Variants in KRTAP19-1 observed in about 807,000 individuals in gnomAD.
KRTAP19-1 encodes keratin associated protein 19-1, also known as keratin-associated protein 19-1.
For synonymous variants in KRTAP19-1, 45 were observed against 48.3 expected, an observed-to-expected ratio of 0.93 and a Z score of 0.28; for missense variants, 116 against 113.6, an observed-to-expected ratio of 1.02 and a Z score of -0.10.
In KRTAP19-1 at chr21:30,480,338, G is replaced by T; in HGVS notation, c.-21C>A. ...CTCATGGTGTCAGGAGTGGTGAGTTGGTTTGTTGTTCAGGCAAGATCCTGA... is the reference window on the plus strand; with the variant it reads ...CTCATGGTGTCAGGAGTGGTGAGTTTGTTTGTTGTTCAGGCAAGATCCTGA... On this transcript the variant is annotated 5_prime_UTR_variant, in exon 1 of 1. Coordinates refer to ENST00000390689, the MANE Select transcript of KRTAP19-1 (RefSeq NM_181607.3). 1 of 1,613,656 alleles carries T rather than the reference G, an allele frequency of 6.2e-7. No individual in the cohort carries two copies. Among genetic ancestry groups the T allele is most frequent in the Non-Finnish European group, 8.5e-7 (1 of 1,179,580 alleles).
rs367840551 is a variant in KRTAP19-1 at position 30,480,138 on chromosome 21, T to G, written c.180A>C (p.Gly60=). The change falls in exon 1 of 1, where the codon GGA becomes GGC. Residue 60 remains glycine, a synonymous_variant. Coordinates refer to ENST00000390689, the MANE Select transcript of KRTAP19-1 (RefSeq NM_181607.3). ...FGSYGYGSGF[G]GYGYGSGFGG... Reference sequence around the variant, plus strand: ...CAAAGCCAGAGCCATATCCGTAGCCTCCAAAGCCAGAGCCATATCCGTAGC... The same window carrying G: ...CAAAGCCAGAGCCATATCCGTAGCCGCCAAAGCCAGAGCCATATCCGTAGC... 6.2e-7 allele frequency: 1 copy of G among 1,613,316 alleles called. No individual in the cohort carries two copies. Among genetic ancestry groups the G allele is most frequent in the African/African-American group, 1.3e-5 (1 of 74,934 alleles).
Position 30,480,230 on chromosome 21 carries a change from C to A in KRTAP19-1, c.88G>T (p.Gly30Cys), listed in dbSNP as rs977412161. 8 of 1,614,134 alleles carry A rather than the reference C, an allele frequency of 5.0e-6. No homozygotes were observed. In the East Asian group the frequency reaches 1.8e-4, roughly 36 times the overall value. Reference sequence around the variant, plus strand: ...CCAGAACCCCGTCTGCAGAAGCTGCCACATCCACAGCCATAGCCATAGCCC... The same window carrying A: ...CCAGAACCCCGTCTGCAGAAGCTGCAACATCCACAGCCATAGCCATAGCCC... ...GLGYGYGCGC[G>C]SFCRRGSGCG... The change falls in exon 1 of 1, where the codon GGC becomes TGC. Residue 30 changes from glycine to cysteine, a missense_variant. Transcript: ENST00000390689.
chr21:30,479,757 G>T lies in KRTAP19-1; in HGVS notation c.*288C>A. On this transcript the variant is annotated 3_prime_UTR_variant, in exon 1 of 1. Coordinates refer to ENST00000390689, the MANE Select transcript of KRTAP19-1 (RefSeq NM_181607.3). ...AAAAGCAAAATACAAGTTTTTGCTA[G>T]GATCTTGATAGATAACATCAAGGTA... 1 of 359,242 alleles carries T rather than the reference G, an allele frequency of 2.8e-6. No individual in the cohort carries two copies. Among genetic ancestry groups the T allele is most frequent in the Non-Finnish European group, 5.0e-6 (1 of 199,562 alleles). The allele number at this position is 359,242 out of a possible 1,614,324, so 22.3% of individuals were successfully genotyped here. A position where few individuals can be genotyped will look rare whatever the true frequency, so the allele number is the denominator to read the frequency against.
Position 30,479,808 on chromosome 21 carries a change from T to C in KRTAP19-1, c.*237A>G. The stretch of plus-strand genomic sequence containing the variant: ...ATGGTGGTAAGAAAAATAAAGCAAA[T>C]TTAGAAGAACAACCTAGAGTAGTTA... On this transcript the variant is annotated 3_prime_UTR_variant, in exon 1 of 1. Coordinates refer to ENST00000390689, the MANE Select transcript of KRTAP19-1 (RefSeq NM_181607.3). The C allele has an allele frequency of 1.7e-6, 1 of 577,198 alleles. No individual in the cohort carries two copies. The highest frequency in any genetic ancestry group is 3.0e-6 in the Non-Finnish European group (1 of 338,728). 35.8% of individuals were successfully genotyped at this position (577,198 alleles called of 1,614,324 possible).
rs747220587 is a variant in KRTAP19-1 at position 30,480,121 on chromosome 21, G to T, written c.197C>A (p.Ser66Tyr). Residue 66 changes from serine to tyrosine, a missense_variant, in exon 1 of 1, where the codon TCT becomes TAT. By Grantham distance (144) the Ser-to-Tyr change is moderately radical. Transcript: ENST00000390689. ...GSGFGGYGYG[S>Y]GFGGYGYGCC... Reference sequence around the variant, plus strand: ...GCCATATCCATAGCCTCCAAAGCCAGAGCCATATCCGTAGCCTCCAAAGCC... The same window carrying T: ...GCCATATCCATAGCCTCCAAAGCCATAGCCATATCCGTAGCCTCCAAAGCC... 1.9e-6 allele frequency: 3 copies of T among 1,599,904 alleles called. No homozygotes were observed. The highest frequency in any genetic ancestry group is 2.7e-5 in the African/African-American group (2 of 74,644).
Position 30,479,934 on chromosome 21 carries a change from T to C in KRTAP19-1, c.*111A>G. On this transcript the variant is annotated 3_prime_UTR_variant, in exon 1 of 1. Transcript: ENST00000390689. ...ATTTTAAAGATTTAACATAGCTAAATATCTCTCCATTGATGCTGAAGGCAA... is the reference window on the plus strand; with the variant it reads ...ATTTTAAAGATTTAACATAGCTAAACATCTCTCCATTGATGCTGAAGGCAA... The C allele has an allele frequency of 7.5e-7, 1 of 1,341,494 alleles. No individual in the cohort carries two copies. Among genetic ancestry groups the C allele is most frequent in the Non-Finnish European group, 1.0e-6 (1 of 962,286 alleles). 83.1% of individuals were successfully genotyped at this position (1,341,494 alleles called of 1,614,324 possible).
At position 30,480,183 on chromosome 21, in the gene KRTAP19-1, TCCGTAG is replaced by T; in HGVS notation, c.129_134del (p.Tyr46_Gly47del). ...CGTAGCTTCCAAAGCCAGAGCCATATCCGTAGCCTCCATAGCCACAGCCAGAACCCC... is the reference window on the plus strand; with the variant it reads ...CGTAGCTTCCAAAGCCAGAGCCATATCCTCCATAGCCACAGCCAGAACCCC... On this transcript the variant is annotated inframe_deletion, in exon 1 of 1. Coordinates refer to ENST00000390689, the MANE Select transcript of KRTAP19-1 (RefSeq NM_181607.3). 6.2e-7 allele frequency: 1 copy of T among 1,613,848 alleles called. No individual in the cohort carries two copies. Among genetic ancestry groups the T allele is most frequent in the Non-Finnish European group, 8.5e-7 (1 of 1,179,926 alleles).
rs766061527 is a variant in KRTAP19-1 at position 30,480,245 on chromosome 21, A to G, written c.73T>C (p.Tyr25His). The part of the protein sequence containing the change: ...CGGFGGLGYG[Y>H]GCGCGSFCRR... ...CAGAAGCTGCCACATCCACAGCCAT[A>G]GCCATAGCCCAGGCCACCGAAGCCT... The change falls in exon 1 of 1, where the codon TAT becomes CAT. Residue 25 changes from tyrosine to histidine, a missense_variant. Tyr to His is a moderately conservative substitution (Grantham distance 83, BLOSUM62 2). Coordinates refer to ENST00000390689, the MANE Select transcript of KRTAP19-1 (RefSeq NM_181607.3). The G allele has an allele frequency of 1.3e-5, 21 of 1,613,920 alleles. No homozygotes were observed. The African/African-American group carries it at 2.4e-4, about 18-fold the overall frequency.
chr21:30,480,006 T>C lies in KRTAP19-1; in HGVS notation c.*39A>G. The C allele has an allele frequency of 1.2e-6, 2 of 1,613,798 alleles. No individual in the cohort carries two copies. Among genetic ancestry groups the C allele is most frequent in the Admixed American group, 1.7e-5 (1 of 60,010 alleles). ...AAGCACGGGACAGGACCAAACACAT[T>C]TGGAGGTTTCTCCTCTGCTTCCAAT... On this transcript the variant is annotated 3_prime_UTR_variant, in exon 1 of 1. Transcript: ENST00000390689.
Position 30,480,177 on chromosome 21 carries a change from G to A in KRTAP19-1, c.141C>T (p.Gly47=), listed in dbSNP as rs751413143. Residue 47 remains glycine (G), a synonymous_variant, in exon 1 of 1, where the codon GGC becomes GGT. Coordinates refer to ENST00000390689, the MANE Select transcript of KRTAP19-1 (RefSeq NM_181607.3). Reference sequence around the variant, plus strand: ...CATATCCGTAGCTTCCAAAGCCAGAGCCATATCCGTAGCCTCCATAGCCAC... The same window carrying A: ...CATATCCGTAGCTTCCAAAGCCAGAACCATATCCGTAGCCTCCATAGCCAC... ...SGCGYGGYGY[G]SGFGSYGYGS... The A allele has an allele frequency of 1.1e-5, 17 of 1,613,974 alleles. No homozygotes were observed. The highest frequency in any genetic ancestry group is 6.8e-6 in the Non-Finnish European group (8 of 1,180,014).
rs1036202035 is a variant in KRTAP19-1 at position 30,479,903 on chromosome 21, A to C, written c.*142T>G. On this transcript the variant is annotated 3_prime_UTR_variant, in exon 1 of 1. Coordinates refer to ENST00000390689, the MANE Select transcript of KRTAP19-1 (RefSeq NM_181607.3). ...CAACAAATATTCACAGAAGCAGCTT[A>C]AATCTATTTTAAAGATTTAACATAG... 1 of 1,157,548 alleles carries C rather than the reference A, an allele frequency of 8.6e-7. No homozygotes were observed. The highest frequency in any genetic ancestry group is 1.2e-6 in the Non-Finnish European group (1 of 811,608). 71.7% of individuals were successfully genotyped at this position (1,157,548 alleles called of 1,614,324 possible).
chr21:30,480,264 G>C lies in KRTAP19-1; in HGVS notation c.54C>G (p.Phe18Leu). ...YGGLGYSCGG[F>L]GGLGYGYGCG... Reference sequence around the variant, plus strand: ...AGCCATAGCCATAGCCCAGGCCACCGAAGCCTCCACAGCTGTAGCCCAGGC... The same window carrying C: ...AGCCATAGCCATAGCCCAGGCCACCCAAGCCTCCACAGCTGTAGCCCAGGC... Residue 18 changes from phenylalanine to leucine, a missense_variant, in exon 1 of 1, where the codon TTC (phenylalanine) becomes TTG (leucine). Physicochemically the swap from Phe to Leu is conservative, Grantham distance 22 (BLOSUM62 0). Coordinates refer to ENST00000390689, the MANE Select transcript of KRTAP19-1 (RefSeq NM_181607.3). 2 of 1,614,152 alleles carry C rather than the reference G, an allele frequency of 1.2e-6. No homozygotes were observed. The highest frequency in any genetic ancestry group is 1.7e-6 in the Non-Finnish European group (2 of 1,180,024).
In KRTAP19-1 at chr21:30,480,354, A is replaced by G. The variant is rs763675163; in HGVS notation, c.-37T>C. 6.2e-7 allele frequency: 1 copy of G among 1,612,318 alleles called. No homozygotes were observed. The highest frequency in any genetic ancestry group is 1.7e-5 in the Admixed American group (1 of 59,998). On this transcript the variant is annotated 5_prime_UTR_variant, in exon 1 of 1. Coordinates refer to ENST00000390689, the MANE Select transcript of KRTAP19-1 (RefSeq NM_181607.3). ...TGGTGAGTTGGTTTGTTGTTCAGGC[A>G]AGATCCTGAGTGTGAATGCCAGCAT...
rs1601030740 is a variant in KRTAP19-1 at position 30,480,183 on chromosome 21, T to A, written c.135A>T (p.Gly45=). 2.5e-6 allele frequency: 4 copies of A among 1,613,848 alleles called. No individual in the cohort carries two copies. Among genetic ancestry groups the A allele is most frequent in the Non-Finnish European group, 3.4e-6 (4 of 1,179,926 alleles). ...RGSGCGYGGY[G]YGSGFGSYGY... ...CGTAGCTTCCAAAGCCAGAGCCATATCCGTAGCCTCCATAGCCACAGCCAG... is the reference window on the plus strand; with the variant it reads ...CGTAGCTTCCAAAGCCAGAGCCATAACCGTAGCCTCCATAGCCACAGCCAG... Residue 45 remains glycine, a synonymous_variant, in exon 1 of 1, where the codon GGA becomes GGT. Transcript: ENST00000390689.
At position 30,480,171 on chromosome 21, in the gene KRTAP19-1, G is replaced by A. The variant is rs1159504935; in HGVS notation, c.147C>T (p.Gly49=). 1 of 1,614,130 alleles carries A rather than the reference G, an allele frequency of 6.2e-7. No homozygotes were observed. The highest frequency in any genetic ancestry group is 8.5e-7 in the Non-Finnish European group (1 of 1,180,020). ...CAGAGCCATATCCGTAGCTTCCAAA[G>A]CCAGAGCCATATCCGTAGCCTCCAT... ...CGYGGYGYGS[G]FGSYGYGSGF... The change falls in exon 1 of 1, where the codon GGC becomes GGT. Residue 49 remains glycine, a synonymous_variant. Coordinates refer to ENST00000390689, the MANE Select transcript of KRTAP19-1 (RefSeq NM_181607.3).
In KRTAP19-1 at chr21:30,480,298, T is replaced by C. The variant is rs201021436; in HGVS notation, c.20A>G (p.Tyr7Cys). MSHYGS[Y>C]YGGLGYSCGG... ...ACAGCTGTAGCCCAGGCCTCCGTAGTAGCTGCCGTAGTGACTCATGGTGTC... is the reference window on the plus strand; with the variant it reads ...ACAGCTGTAGCCCAGGCCTCCGTAGCAGCTGCCGTAGTGACTCATGGTGTC... Residue 7 changes from tyrosine (Y) to cysteine (C), a missense_variant, in exon 1 of 1, where the codon TAC becomes TGC. Transcript: ENST00000390689. 6.2e-7 allele frequency: 1 copy of C among 1,614,220 alleles called. No homozygotes were observed. Among genetic ancestry groups the C allele is most frequent in the Non-Finnish European group, 8.5e-7 (1 of 1,180,032 alleles).
Position 30,480,110 on chromosome 21 carries a change from C to G in KRTAP19-1, c.208G>C (p.Gly70Arg). ...GGGCGGCAGCAGCCATATCCATAGC[C>G]TCCAAAGCCAGAGCCATATCCGTAG... ...GGYGYGSGFG[G>R]YGYGCCRPSY... Residue 70 changes from glycine (G) to arginine (R), a missense_variant, in exon 1 of 1, where the codon GGC (glycine) becomes CGC (arginine). Transcript: ENST00000390689. The G allele has an allele frequency of 6.2e-7, 1 of 1,600,352 alleles. No homozygotes were observed. Among genetic ancestry groups the G allele is most frequent in the Non-Finnish European group, 8.6e-7 (1 of 1,167,252 alleles).
chr21:30,479,870 T>C lies in KRTAP19-1; in HGVS notation c.*175A>G, dbSNP rs1985720623. The C allele has an allele frequency of 9.7e-6, 9 of 929,350 alleles. No homozygotes were observed. The Admixed American group carries it at 2.1e-4, about 22-fold the overall frequency. The allele number at this position is 929,350 out of a possible 1,614,324, so 57.6% of individuals were successfully genotyped here. ...GATTTCAGGTGACGGACTCCGAAAG[T>C]AAAAAGACAACAAATATTCACAGAA... On this transcript the variant is annotated 3_prime_UTR_variant, in exon 1 of 1. Coordinates refer to ENST00000390689, the MANE Select transcript of KRTAP19-1 (RefSeq NM_181607.3).
At position 30,480,156 on chromosome 21, in the gene KRTAP19-1, T is replaced by C. The variant is rs1985731144; in HGVS notation, c.162A>G (p.Gly54=). 6.2e-7 allele frequency: 1 copy of C among 1,613,368 alleles called. No homozygotes were observed. Among genetic ancestry groups the C allele is most frequent in the African/African-American group, 1.3e-5 (1 of 74,828 alleles). ...CGTAGCCTCCAAAGCCAGAGCCATA[T>C]CCGTAGCTTCCAAAGCCAGAGCCAT... ...YGYGSGFGSY[G]YGSGFGGYGY... is the part of the protein sequence containing the mutation. The change falls in exon 1 of 1, where the codon GGA becomes GGG. Residue 54 remains glycine (G), a synonymous_variant. Transcript: ENST00000390689.
Sources: gnomAD v4.1 joint callset for allele counts on GRCh38, gnomAD v4.1.1 for gene constraint, MANE v1.5 for transcripts, NCBI Gene and HGNC (gene_info 2026-07-23, HGNC 2026-07-21) for gene names.